Variants in GMDS observed in about 807,000 individuals in gnomAD.
The protein encoded by GMDS is GDP-mannose 4,6-dehydratase.
In GMDS, 20 loss-of-function variants were observed where a neutral mutation model predicts 49.9. That is an observed-to-expected ratio of 0.40 (90% CI 0.28 to 0.58). The LOEUF (loss-of-function observed/expected upper bound fraction) is 0.58, where lower values mean the gene tolerates loss of function less well. Ranked by LOEUF, GMDS falls within the 20% of genes least tolerant of loss-of-function variation. The pLI, the probability that GMDS is intolerant of heterozygous loss-of-function variation, is 0.42. For missense variants in GMDS, 362 were observed against 481.4 expected (o/e 0.75, Z 2.32); for synonymous variants, 177 against 178.6 (o/e 0.99, Z 0.07).
At chr6:1,996,041 C>T (rs1766256357) in intron 4 of GMDS, among the ~76,000 whole-genome samples, 2 of 152,122 alleles carry the variant, frequency 1.3e-5, no homozygotes, top group Non-Finnish European at 2.9e-5. Flanking sequence ...AGAAACATGG[C>T]TTTGGGATAG....
At chr6:2,105,714 C>T (rs1042953185) in intron 4 of GMDS, among the ~76,000 whole-genome samples, 2 of 152,132 alleles carry the variant, frequency 1.3e-5, no homozygotes, top group African/African-American at 4.8e-5. Flanking sequence ...AAATAAAAAC[C>T]TGGCACCAAT....
chr6:2,082,197 C>T (rs1772755319), intron 4 of GMDS, among the ~76,000 whole-genome samples: 1 of 152,218 alleles, frequency 6.6e-6, no homozygotes, highest in Non-Finnish European at 1.5e-5. Context: ...CACAAACACA[C>T]ACTCAAACAA....
chr6:2,149,205 G>A (rs577175597), intron 1 of GMDS, among the ~76,000 whole-genome samples: 2 of 152,154 alleles, frequency 1.3e-5, no homozygotes, highest in South Asian at 4.2e-4. Flanking sequence ...AAAAAAGGTA[G>A]GCAACTATAT....
At chr6:1,717,294 C>T (rs1438657937) in intron 9 of GMDS, among the ~76,000 whole-genome samples, 1 of 152,248 alleles carries the variant, frequency 6.6e-6, no homozygotes, top group East Asian at 1.9e-4. Context: ...ATCAAAGTGA[C>T]ACTCAGCTGG....
intron 1 of GMDS, among the ~76,000 whole-genome samples, chr6:2,238,088 T>C (rs560767251): frequency 1.9e-4 from 29 of 152,082 alleles, no homozygotes; most frequent in African/African-American, 6.7e-4. Flanking sequence ...CACTTTTAAG[T>C]CATTTTTAAG....
At chr6:1,921,815 T>C (rs1021256024) in intron 7 of GMDS, among the ~76,000 whole-genome samples, 1 of 152,360 alleles carries the variant, frequency 6.6e-6, no homozygotes, top group Non-Finnish European at 1.5e-5. Context: ...TATTTAGTTA[T>C]TTTCATTTGT....
intron 4 of GMDS, among the ~76,000 whole-genome samples, chr6:2,063,008 T>C (rs1297304633): frequency 6.6e-6 from 1 of 152,236 alleles, no homozygotes; most frequent in Non-Finnish European, 1.5e-5. Flanking sequence ...TAGAATTTGC[T>C]TTTGGTGAGA....
chr6:2,102,488 A>G (rs1425238969), intron 4 of GMDS, among the ~76,000 whole-genome samples: 1 of 152,212 alleles, frequency 6.6e-6, no homozygotes. Flanking sequence ...TTTTGAAACC[A>G]AGCAATTGAA....
intron 7 of GMDS, among the ~76,000 whole-genome samples, chr6:1,918,459 G>T (rs185236405): frequency 6.6e-6 from 1 of 152,210 alleles, no homozygotes; most frequent in African/African-American, 2.4e-5. Flanking sequence ...TTAAAAATAA[G>T]AATAAGGCCG....
At chr6:2,118,578 A>G (rs747881075) in intron 2 of GMDS, among the ~76,000 whole-genome samples, 28 of 152,242 alleles carry the variant, frequency 1.8e-4, no homozygotes, top group Admixed American at 6.5e-5. Context: ...TCTTTCAAAC[A>G]GAAAGAAATG....
At chr6:1,750,875 C>T (rs549576553) in intron 7 of GMDS, among the ~76,000 whole-genome samples, 5 of 152,272 alleles carry the variant, frequency 3.3e-5, no homozygotes, top group East Asian at 3.9e-4. Context: ...GGGATGCCAG[C>T]GCTTGGTGGG....
chr6:1,718,285 C>T (rs947058420), intron 9 of GMDS, among the ~76,000 whole-genome samples: 1 of 152,160 alleles, frequency 6.6e-6, no homozygotes, highest in African/African-American at 2.4e-5. Context: ...CATTTTGCAG[C>T]ACAGATATCC....
At chr6:2,179,908 G>A (rs371879789) in intron 1 of GMDS, among the ~76,000 whole-genome samples, 2 of 141,946 alleles carry the variant, frequency 1.4e-5, no homozygotes, top group East Asian at 2.4e-4. Context: ...AACACCCATC[G>A]TTTAGAAATA....
intron 9 of GMDS, among the ~76,000 whole-genome samples, chr6:1,660,875 T>C (rs185013485): frequency 3.3e-4 from 50 of 151,190 alleles, no homozygotes; most frequent in African/African-American, 1.1e-3. Flanking sequence ...TAATTCCTTC[T>C]TTCCAGCATA....
intron 9 of GMDS, among the ~76,000 whole-genome samples, chr6:1,649,736 T>C (rs1025424337): frequency 6.6e-6 from 1 of 152,242 alleles, no homozygotes; most frequent in Non-Finnish European, 1.5e-5. Context: ...CCAAACTGTC[T>C]CTTCTTTAGT....
chr6:1,721,075 AG>A (rs1183810539), intron 9 of GMDS, among the ~76,000 whole-genome samples: 1 of 152,160 alleles, frequency 6.6e-6, no homozygotes, highest in Non-Finnish European at 1.5e-5. Context: ...CAGGTTCCTG[AG>A]GTCTGGAAAG....
At chr6:2,124,101 T>C (rs1261098675) in intron 2 of GMDS, among the ~76,000 whole-genome samples, 1 of 152,032 alleles carries the variant, frequency 6.6e-6, no homozygotes, top group East Asian at 1.9e-4. Context: ...AAAACGTTCT[T>C]TAAAAAATTA....
chr6:1,908,273 C>T (rs945365876), intron 7 of GMDS, among the ~76,000 whole-genome samples: 1 of 152,192 alleles, frequency 6.6e-6, no homozygotes, highest in African/African-American at 2.4e-5. Context: ...TGAATTATTT[C>T]TGTAATTTCC....
At chr6:2,085,135 G>T (rs1361987033) in intron 4 of GMDS, among the ~76,000 whole-genome samples, 1 of 151,808 alleles carries the variant, frequency 6.6e-6, no homozygotes, top group African/African-American at 2.4e-5. Context: ...TTAAGTTTAT[G>T]AAAGTATTTT....
Sources: allele counts gnomAD v4.1 joint callset (sites outside exome capture counted in the v4.1 genomes callset), GRCh38; gene constraint gnomAD v4.1.1; transcripts MANE v1.5; gene names NCBI Gene and HGNC (gene_info 2026-07-23, HGNC 2026-07-21).